The following CCSER1 variants were observed in gnomAD, a reference collection of about 807,000 sequenced individuals.
CCSER1 encodes coiled-coil serine rich protein 1.
Under a neutral mutation model 82.0 loss-of-function variants are expected in CCSER1, and 41 were observed. The ratio of observed to expected loss-of-function variants is 0.50; its 90% CI spans 0.39 to 0.65. The LOEUF is 0.65. CCSER1 is among the 30% of genes least tolerant of loss of function. The pLI is 0.00. For missense variants in CCSER1, 1,119 were observed against 1,064.2 expected, an observed-to-expected ratio of 1.05 and a Z score of -0.72; for synonymous variants, 414 against 383.9, an observed-to-expected ratio of 1.08 and a Z score of -0.92.
chr4:91,163,689 C>A (rs535938481), intron 10 of CCSER1, among the ~76,000 whole-genome samples: 2 of 152,270 alleles, frequency 1.3e-5, no homozygotes, highest in East Asian at 1.9e-4. Context: ...TATGTAATGG[C>A]CTTCCTTGTC....
At chr4:90,532,701 T>C (rs772206568) in intron 5 of CCSER1, among the ~76,000 whole-genome samples, 1 of 152,206 alleles carries the variant, frequency 6.6e-6, no homozygotes, top group African/African-American at 2.4e-5. Flanking sequence ...TAATTTTGTA[T>C]GGACTTCTAC....
chr4:91,100,567 C>G (rs1323572240), intron 10 of CCSER1, among the ~76,000 whole-genome samples: 1 of 152,040 alleles, frequency 6.6e-6, no homozygotes, highest in Admixed American at 6.6e-5. Context: ...GGTAGCAAAT[C>G]CCAAATATGG....
chr4:91,424,878 GAAATTAT>G (rs1753884292), intron 10 of CCSER1, among the ~76,000 whole-genome samples: 1 of 152,042 alleles, frequency 6.6e-6, no homozygotes, highest in African/African-American at 2.4e-5. Context: ...AGAGAAACAA[GAAATTAT>G]ATGTGTGGTT....
intron 10 of CCSER1, among the ~76,000 whole-genome samples, chr4:91,363,065 T>C (rs1749354431): frequency 6.6e-6 from 1 of 151,736 alleles, no homozygotes; most frequent in Non-Finnish European, 1.5e-5. Flanking sequence ...TCATTTTCTT[T>C]TTCTTTTTTG....
intron 7 of CCSER1, among the ~76,000 whole-genome samples, chr4:90,731,463 A>G (rs758981018): frequency 1.3e-5 from 2 of 152,214 alleles, no homozygotes; most frequent in African/African-American, 2.4e-5. Context: ...CACATAGGTA[A>G]AACTAAACAT....
chr4:90,406,598 A>T (rs185654784), intron 4 of CCSER1, among the ~76,000 whole-genome samples: 1,548 of 151,804 alleles, frequency 0.01, 17 homozygotes, highest in South Asian at 0.03. Context: ...CAAGACCATA[A>T]GACAGGCCAC....
chr4:91,393,721 A>G (rs1751800290), intron 10 of CCSER1, among the ~76,000 whole-genome samples: 1 of 151,644 alleles, frequency 6.6e-6, no homozygotes, highest in Non-Finnish European at 1.5e-5. Context: ...TTTTTTCAAT[A>G]TTTTATTGTT....
chr4:91,458,716 A>G (rs1756336000), intron 10 of CCSER1, among the ~76,000 whole-genome samples: 1 of 152,128 alleles, frequency 6.6e-6, no homozygotes, highest in East Asian at 1.9e-4. Context: ...AATTGTATAG[A>G]TCTTGCACTT....
At chr4:90,331,090 A>C (rs1194591237) in intron 3 of CCSER1, among the ~76,000 whole-genome samples, 1 of 152,046 alleles carries the variant, frequency 6.6e-6, no homozygotes, top group Non-Finnish European at 1.5e-5. Flanking sequence ...ATTATTTAAA[A>C]AATAAGAATA....
chr4:90,933,106 ATGT>A (rs1283297729), intron 9 of CCSER1, among the ~76,000 whole-genome samples: 1 of 143,204 alleles, frequency 7.0e-6, no homozygotes, highest in Admixed American at 6.9e-5. Flanking sequence ...GAAAGAAACA[ATGT>A]TGTTCCAAAA....
At chr4:90,330,531 A>G (rs1254681164) in intron 3 of CCSER1, among the ~76,000 whole-genome samples, 1 of 152,148 alleles carries the variant, frequency 6.6e-6, no homozygotes, top group African/African-American at 2.4e-5. Flanking sequence ...TGGGTGCCAG[A>G]GTACATTGAT....
intron 10 of CCSER1, among the ~76,000 whole-genome samples, chr4:91,402,433 T>C (rs950444566): frequency 4.6e-5 from 7 of 152,146 alleles, no homozygotes; most frequent in African/African-American, 1.2e-4. Flanking sequence ...CTTTTGTTGC[T>C]GTTGCTTTTG....
At position 91,496,686 on chromosome 4, in the gene CCSER1, T is replaced by TATATATTCA. The variant is rs1553946260; in HGVS notation, c.2218-101880_2218-101879insTCAATATAT. On this transcript the variant is annotated intron_variant, in intron 10 of 10. Coordinates refer to ENST00000509176, the MANE Select transcript of CCSER1 (RefSeq NM_001145065.2). Reference sequence around the variant, plus strand: ...TATATATATTCAATATATTTGAATATATATATATTCAATATATATATATAT... The same window carrying TATATATTCA: ...TATATATATTCAATATATTTGAATATATATATTCAATATATATTCAATATATATATATAT... 4.4e-4 allele frequency among the ~76,000 whole-genome samples: 7 copies of TATATATTCA among 16,044 alleles called. 1 individual carries two copies. The highest frequency in any genetic ancestry group is 1.4e-3 in the Non-Finnish European group (7 of 4,962). The allele number at this position is 16,044 out of a possible 152,430, so 10.5% of individuals were successfully genotyped here.
intron 10 of CCSER1, among the ~76,000 whole-genome samples, chr4:91,457,036 A>C (rs946035993): frequency 2.6e-5 from 4 of 152,112 alleles, no homozygotes; most frequent in Admixed American, 2.6e-4. Context: ...CTATGTGCAT[A>C]GCATTGAAAG....
chr4:90,233,087 C>T (rs1216079164), intron 1 of CCSER1, among the ~76,000 whole-genome samples: 1 of 152,016 alleles, frequency 6.6e-6, no homozygotes, highest in African/African-American at 2.4e-5. Context: ...GGATCTAGAA[C>T]TAGAAATACC....
intron 9 of CCSER1, among the ~76,000 whole-genome samples, chr4:90,953,217 A>C (rs1413773732): frequency 6.6e-6 from 1 of 152,016 alleles, no homozygotes; most frequent in African/African-American, 2.4e-5. Context: ...TATTAGTGGC[A>C]AAGTTCTGAT....
At chr4:91,162,800 G>A (rs1731571034) in intron 10 of CCSER1, among the ~76,000 whole-genome samples, 2 of 151,966 alleles carry the variant, frequency 1.3e-5, no homozygotes, top group Non-Finnish European at 2.9e-5. Flanking sequence ...TTTTTATTGT[G>A]TCTATTTGAT....
chr4:90,135,526 C>T (rs2153322748), intron 1 of CCSER1, among the ~76,000 whole-genome samples: 1 of 152,340 alleles, frequency 6.6e-6, no homozygotes, highest in African/African-American at 2.4e-5. Flanking sequence ...TGCTTCATTT[C>T]AATACTCACT....
chr4:90,235,869 A>G (rs1215262372), intron 1 of CCSER1, among the ~76,000 whole-genome samples: 1 of 152,204 alleles, frequency 6.6e-6, no homozygotes, highest in Non-Finnish European at 1.5e-5. Context: ...AAGAAGGGCA[A>G]TAGTCTATCA....
Sources: gnomAD v4.1 joint callset for allele counts (sites outside exome capture counted in the v4.1 genomes callset) on GRCh38, gnomAD v4.1.1 for gene constraint, MANE v1.5 for transcripts, NCBI Gene and HGNC (gene_info 2026-07-23, HGNC 2026-07-21) for gene names.